Variants in NEGR1 observed in about 807,000 individuals in gnomAD.
NEGR1 encodes the protein IgLON family member 4.
In NEGR1, 10 loss-of-function variants were observed where a neutral mutation model predicts 40.9. The observed-to-expected ratio is 0.24, with a 90% CI of 0.15 to 0.42. NEGR1 has a LOEUF of 0.42. Ranked by LOEUF, NEGR1 falls within the 10% of genes least tolerant of loss-of-function variation. The pLI is 1.00. For missense variants in NEGR1, 352 were observed against 438.9 expected, an observed-to-expected ratio of 0.80 and a Z score of 1.77; for synonymous variants, 185 against 166.8, an observed-to-expected ratio of 1.11 and a Z score of -0.84.
chr1:71,841,086 A>G (rs1277202786), intron 2 of NEGR1, among the ~76,000 whole-genome samples: 1 of 152,068 alleles, frequency 6.6e-6, no homozygotes, highest in Non-Finnish European at 1.5e-5. Context: ...CTATATATAT[A>G]CACATCCTAT....
chr1:72,078,619 T>A (rs1032156037), intron 1 of NEGR1, among the ~76,000 whole-genome samples: 7 of 107,372 alleles, frequency 6.5e-5, no homozygotes, highest in South Asian at 6.2e-4. Context: ...TCATATACAC[T>A]CATATATATA....
At chr1:71,949,854 G>A (rs1207610988) in intron 1 of NEGR1, among the ~76,000 whole-genome samples, 1 of 151,984 alleles carries the variant, frequency 6.6e-6, no homozygotes, top group Non-Finnish European at 1.5e-5. Context: ...ACACTGAAAG[G>A]AGAACAAACT....
intron 4 of NEGR1, among the ~76,000 whole-genome samples, chr1:71,692,095 T>C (rs1400629974): frequency 6.6e-6 from 1 of 151,694 alleles, no homozygotes; most frequent in African/African-American, 2.4e-5. Context: ...ATAATGAGTT[T>C]GAAAAACAGT....
At chr1:71,526,024 G>T (rs1255183995) in intron 6 of NEGR1, among the ~76,000 whole-genome samples, 3 of 151,478 alleles carry the variant, frequency 2.0e-5, no homozygotes, top group Admixed American at 6.6e-5. Flanking sequence ...AAGGAAGAAA[G>T]AATTGAATAG....
chr1:72,112,789 T>C (rs927495491), intron 1 of NEGR1, among the ~76,000 whole-genome samples: 13 of 151,872 alleles, frequency 8.6e-5, no homozygotes, highest in African/African-American at 3.1e-4. Flanking sequence ...CCTCCCTCAC[T>C]ACTGCCATTG....
chr1:71,571,371 T>G (rs532459733), intron 6 of NEGR1, among the ~76,000 whole-genome samples: 1 of 152,326 alleles, frequency 6.6e-6, no homozygotes, highest in African/African-American at 2.4e-5. Flanking sequence ...TAGTCAGATT[T>G]ACCATTTTTA....
intron 6 of NEGR1, among the ~76,000 whole-genome samples, chr1:71,418,920 A>G (rs1308387838): frequency 1.3e-5 from 2 of 152,210 alleles, no homozygotes; most frequent in Non-Finnish European, 2.9e-5. Context: ...TATGAGATAA[A>G]TTTGCAAAAT....
chr1:71,427,758 T>A (rs1251636919), intron 6 of NEGR1, among the ~76,000 whole-genome samples: 1 of 152,180 alleles, frequency 6.6e-6, no homozygotes. Context: ...TATTAAGGAA[T>A]TTTGCCAACT....
intron 6 of NEGR1, among the ~76,000 whole-genome samples, chr1:71,432,815 C>G (rs1009501030): frequency 6.6e-6 from 1 of 152,200 alleles, no homozygotes; most frequent in African/African-American, 2.4e-5. Context: ...ATCCAAGCCC[C>G]CATTCTTGAG....
chr1:71,612,138 C>T (rs980255768), intron 4 of NEGR1, among the ~76,000 whole-genome samples: 1 of 152,170 alleles, frequency 6.6e-6, no homozygotes, highest in Non-Finnish European at 1.5e-5. Context: ...AGGAGAATGG[C>T]GTGAACCCAG....
chr1:71,756,878 GA>G (rs1445573177), intron 3 of NEGR1, among the ~76,000 whole-genome samples: 25 of 151,352 alleles, frequency 1.7e-4, no homozygotes, highest in African/African-American at 6.1e-4. Context: ...CAGGAAAGGT[GA>G]AAAAAACCCT....
At chr1:71,871,244 AAGACATAGCTCT>A (rs1660268080) in intron 2 of NEGR1, among the ~76,000 whole-genome samples, 1 of 152,146 alleles carries the variant, frequency 6.6e-6, no homozygotes, top group African/African-American at 2.4e-5. Context: ...GAGATGTAAA[AAGACATAGCTCT>A]AGGGGTGATC....
intron 6 of NEGR1, among the ~76,000 whole-genome samples, chr1:71,504,363 T>C (rs935092113): frequency 6.7e-6 from 1 of 148,960 alleles, no homozygotes; most frequent in Non-Finnish European, 1.5e-5. Flanking sequence ...GAAAAGGTAG[T>C]CCAAAAAAAG....
At chr1:72,063,375 A>G (rs1272182355) in intron 1 of NEGR1, among the ~76,000 whole-genome samples, 4 of 151,934 alleles carry the variant, frequency 2.6e-5, no homozygotes, top group African/African-American at 9.7e-5. Context: ...CAAAAACCAC[A>G]ATTACTTGTG....
In NEGR1 at chr1:71,984,028, A is replaced by G. The variant is rs767031106; in HGVS notation, c.177-48717T>C. ...TGAAATTAATAAAATGTGTCTCTGA[A>G]AGATGTTATGCCATTCCATTTTACC... On this transcript the variant is annotated intron_variant, in intron 1 of 6. Transcript: ENST00000357731. 2.0e-5 allele frequency among the ~76,000 whole-genome samples: 3 copies of G among 147,528 alleles called. 1 individual carries two copies. The highest frequency in any genetic ancestry group is 4.5e-5 in the Non-Finnish European group (3 of 66,408).
chr1:71,849,131 C>T (rs1659520401), intron 2 of NEGR1, among the ~76,000 whole-genome samples: 1 of 151,936 alleles, frequency 6.6e-6, no homozygotes, highest in African/African-American at 2.4e-5. Flanking sequence ...AATGCTATAG[C>T]TGCCACAGAC....
chr1:71,641,243 GA>G (rs1261547194), intron 4 of NEGR1, among the ~76,000 whole-genome samples: 6 of 151,998 alleles, frequency 3.9e-5, no homozygotes, highest in Non-Finnish European at 8.8e-5. Flanking sequence ...CTATTTGATT[GA>G]AAACCACTGT....
intron 1 of NEGR1, among the ~76,000 whole-genome samples, chr1:72,053,307 A>G (rs1647078713): frequency 6.6e-6 from 1 of 151,184 alleles, no homozygotes; most frequent in Non-Finnish European, 1.5e-5. Context: ...GAAAACTGGT[A>G]ACTGGGTAAG....
chr1:71,796,332 C>G (rs565742105), intron 2 of NEGR1, among the ~76,000 whole-genome samples: 24 of 152,236 alleles, frequency 1.6e-4, no homozygotes, highest in African/African-American at 5.5e-4. Context: ...GAAAAAGATA[C>G]TCTGTTAATG....
Sources: allele counts gnomAD v4.1 joint callset (sites outside exome capture counted in the v4.1 genomes callset), GRCh38; gene constraint gnomAD v4.1.1; transcripts MANE v1.5; gene names NCBI Gene and HGNC (gene_info 2026-07-23, HGNC 2026-07-21).